The following R3HDM2 variants were observed in gnomAD, a reference collection of about 807,000 sequenced individuals.
R3HDM2 encodes the protein R3H domain containing 2, also known as R3H domain-containing protein 2.
Under a neutral mutation model 124.5 loss-of-function variants are expected in R3HDM2, and 38 were observed. The ratio of observed to expected loss-of-function variants is 0.31; its 90% CI spans 0.24 to 0.40. R3HDM2 has a LOEUF of 0.40. Ranked by LOEUF, R3HDM2 falls within the 10% of genes least tolerant of loss-of-function variation. The pLI is 1.00. For missense variants in R3HDM2, 869 were observed against 1,236.9 expected, an observed-to-expected ratio of 0.70 and a Z score of 4.46; for synonymous variants, 391 against 448.0, an observed-to-expected ratio of 0.87 and a Z score of 1.61.
At position 57,254,248 on chromosome 12, in the gene R3HDM2, C is replaced by T. The variant is rs1171728116; in HGVS notation, c.*525G>A. On this transcript the variant is annotated 3_prime_UTR_variant, in exon 24 of 24. Transcript: ENST00000402412. ...AGGCACAGTGGCTCACGCCTGTAATCCCAGCACTCTGGAAGGCCAAGGCAG... is the reference window on the plus strand; with the variant it reads ...AGGCACAGTGGCTCACGCCTGTAATTCCAGCACTCTGGAAGGCCAAGGCAG... The T allele has an allele frequency of 8.8e-6, 4 of 454,472 alleles. No homozygotes were observed. Among genetic ancestry groups the T allele is most frequent in the Non-Finnish European group, 1.8e-5 (4 of 226,634 alleles). 28.2% of individuals were successfully genotyped at this position (454,472 alleles called of 1,614,324 possible).
chr12:57,339,435 C>G (rs929689272), intron 2 of R3HDM2, among the ~76,000 whole-genome samples: 1 of 152,080 alleles, frequency 6.6e-6, no homozygotes, highest in Non-Finnish European at 1.5e-5. Flanking sequence ...GATGTGGTGG[C>G]TCATGACTGT....
chr12:57,293,695 T>G (rs2049116645), intron 10 of R3HDM2, among the ~76,000 whole-genome samples: 1 of 152,204 alleles, frequency 6.6e-6, no homozygotes, highest in Non-Finnish European at 1.5e-5. Context: ...TATAAAAGAT[T>G]CTGACTTCCA....
intron 23 of R3HDM2, among the ~76,000 whole-genome samples, chr12:57,255,756 A>C (rs2038791170): frequency 6.6e-6 from 1 of 152,114 alleles, no homozygotes; most frequent in Non-Finnish European, 1.5e-5. Context: ...ATAAGAGGCA[A>C]CTCCCATAAT....
chr12:57,409,876 T>A (rs1017749154), intron 1 of R3HDM2, among the ~76,000 whole-genome samples: 16 of 152,010 alleles, frequency 1.1e-4, no homozygotes, highest in African/African-American at 3.9e-4. Flanking sequence ...CCCTCCCTTC[T>A]AAAACTGATG....
intron 4 of R3HDM2, 37 bp from the exon 5 acceptor site, chr12:57,300,218 T>C (rs999992558): frequency 1.0e-5 from 15 of 1,486,484 alleles, no homozygotes; most frequent in Non-Finnish European, 9.2e-6. Context: ...ATTTTTTTAA[T>C]GTATCTTATA....
At chr12:57,371,140 C>G (rs530387) in intron 2 of R3HDM2, among the ~76,000 whole-genome samples, 122,589 of 134,204 alleles carry the variant, frequency 0.91, 56,989 homozygotes, top group East Asian at 1. Flanking sequence ...CTCAGAGACA[C>G]CCAACAAACT....
intron 2 of R3HDM2, among the ~76,000 whole-genome samples, chr12:57,347,787 T>C (rs1343610196): frequency 6.6e-6 from 1 of 151,854 alleles, no homozygotes; most frequent in African/African-American, 2.4e-5. Flanking sequence ...CTTAAGAAAC[T>C]AAAAAGAGGA....
chr12:57,256,836 T>TC (rs1565816942), intron 21 of R3HDM2, among the ~76,000 whole-genome samples: 83 of 152,042 alleles, frequency 5.5e-4, no homozygotes, highest in Non-Finnish European at 1.0e-4. Context: ...TTTTTTTTTT[T>TC]TGAGACAGAG....
In R3HDM2 at chr12:57,296,606, A is replaced by C; in HGVS notation, c.561-55T>G. On this transcript the variant is annotated intron_variant, in intron 8 of 23. Transcript: ENST00000402412. The surrounding 1 kb of genome is among the most constrained non-coding windows in gnomAD (Gnocchi z 4.5). ...AATAAGACAAACAACTGCAATAACA[A>C]CCAATTTTAATTTTTCTTACAAGTG... 6.6e-7 allele frequency: 1 copy of C among 1,513,454 alleles called. No homozygotes were observed. 93.8% of individuals were successfully genotyped at this position (1,513,454 alleles called of 1,614,324 possible).
intron 2 of R3HDM2, among the ~76,000 whole-genome samples, chr12:57,393,237 C>T (rs981498558): frequency 1.3e-5 from 2 of 152,064 alleles, no homozygotes; most frequent in Admixed American, 6.6e-5. Context: ...CCCAGTAGCT[C>T]GGACTACAGG....
intron 6 of R3HDM2, among the ~76,000 whole-genome samples, chr12:57,298,677 C>A (rs1274768906): frequency 6.7e-6 from 1 of 148,556 alleles, no homozygotes; most frequent in Admixed American, 6.7e-5. Flanking sequence ...AAAAAAAAAA[C>A]CAGGCCAGGC....
intron 2 of R3HDM2, among the ~76,000 whole-genome samples, chr12:57,342,697 T>C (rs1267227075): frequency 1.3e-5 from 2 of 152,228 alleles, no homozygotes; most frequent in East Asian, 3.8e-4. Flanking sequence ...TGGAAATATG[T>C]ATTGAATTAA....
chr12:57,422,177 T>C (rs1348622865), intron 1 of R3HDM2, among the ~76,000 whole-genome samples: 2 of 151,928 alleles, frequency 1.3e-5, no homozygotes, highest in African/African-American at 2.4e-5. Context: ...ATTTCTTATC[T>C]AGATTATTGT....
intron 2 of R3HDM2, among the ~76,000 whole-genome samples, chr12:57,371,455 C>A (rs548285315): frequency 1.2e-4 from 18 of 152,082 alleles, no homozygotes; most frequent in Non-Finnish European, 1.9e-4. Flanking sequence ...TAGGTTTTGT[C>A]ATTCTTCTTC....
At position 57,299,450 on chromosome 12, in the gene R3HDM2, G is replaced by A; in HGVS notation, c.323C>T (p.Pro108Leu). ...QDIIQLHISC[P>L]SDKEEEKSTK... ...GGACTTTTCTTCCTCCTTGTCAGAA[G>A]GGCAACTGATGTGCAATTGAATTAT... is the stretch of plus-strand genomic sequence containing the variant. Residue 108 changes from proline (P) to leucine (L), a missense_variant, in exon 6 of 24, where the codon CCT (proline) becomes CTT (leucine). By Grantham distance (98) the Pro-to-Leu change is moderately conservative. Transcript: ENST00000402412. The A allele has an allele frequency of 1.9e-6, 3 of 1,545,952 alleles. 1 individual carries two copies. In the South Asian group the frequency reaches 3.6e-5, roughly 18 times the overall value.
intron 18 of R3HDM2, 188 bp downstream of exon 18, chr12:57,268,115 A>T (rs1298179204): frequency 2.1e-6 from 1 of 468,430 alleles, no homozygotes; most frequent in African/African-American, 2.0e-5. Flanking sequence ...TTCTGCTGAT[A>T]ACCTCTTAGG....
intron 2 of R3HDM2, among the ~76,000 whole-genome samples, chr12:57,335,053 G>A (rs1027739655): frequency 2.6e-5 from 4 of 151,528 alleles, no homozygotes; most frequent in African/African-American, 7.3e-5. Context: ...ATAGCAGGAG[G>A]ATCCCTTGAG....
At chr12:57,292,917 A>G (rs1482317965) in intron 10 of R3HDM2, among the ~76,000 whole-genome samples, 1 of 150,876 alleles carries the variant, frequency 6.6e-6, no homozygotes, top group Non-Finnish European at 1.5e-5. Context: ...AGTATCAAGA[A>G]TAACAACTAT....
intron 2 of R3HDM2, among the ~76,000 whole-genome samples, chr12:57,394,932 G>A (rs2067257720): frequency 6.6e-6 from 1 of 152,168 alleles, no homozygotes; most frequent in Non-Finnish European, 1.5e-5. Context: ...TTATAAGGCT[G>A]GGCGCGGTGG....
Sources: allele counts gnomAD v4.1 joint callset (sites outside exome capture counted in the v4.1 genomes callset), GRCh38; gene constraint gnomAD v4.1.1; non-coding constraint Gnocchi (gnomAD v3.1); transcripts MANE v1.5; gene names NCBI Gene and HGNC (gene_info 2026-07-23, HGNC 2026-07-21).